STX2: variants seen among roughly 807,000 people sequenced by gnomAD.
STX2 encodes syntaxin-2.
A neutral mutation model predicts 40.6 loss-of-function variants in STX2; 27 were observed. That is an observed-to-expected ratio of 0.66 (90% CI 0.49 to 0.92). The LOEUF (loss-of-function observed/expected upper bound fraction) is 0.92. STX2 is among the 40% of genes least tolerant of loss of function. The pLI, the probability that STX2 is intolerant of heterozygous loss-of-function variation, is 0.00. For synonymous variants in STX2, 123 were observed against 119.1 expected (o/e 1.03, Z -0.22); for missense variants, 328 against 366.1 (o/e 0.90, Z 0.85).
intron 10 of STX2, among the ~76,000 whole-genome samples, chr12:130,793,126 C>G (rs528649640): frequency 6.6e-6 from 1 of 152,138 alleles, no homozygotes; most frequent in South Asian, 2.1e-4. Context: ...CCAAGACTGC[C>G]GGCTCAGTCA....
chr12:130,828,867 CAA>C (rs71451381), intron 1 of STX2, among the ~76,000 whole-genome samples: 5 of 121,568 alleles, frequency 4.1e-5, no homozygotes, highest in Non-Finnish European at 3.3e-5. Flanking sequence ...GACTCTGTCT[CAA>C]AAAAAAAAAA....
chr12:130,791,990 G>T lies in STX2; in HGVS notation c.*46-13C>A. ...TGAACATCAATTTCTGCAAGATAAAGAAAAACATTAATTTGCAATGTATCA... is the reference window on the plus strand; with the variant it reads ...TGAACATCAATTTCTGCAAGATAAATAAAAACATTAATTTGCAATGTATCA... On this transcript the variant is annotated splice_polypyrimidine_tract_variant and intron_variant, in intron 10 of 10. Transcript: ENST00000392373. 6.4e-7 allele frequency: 1 copy of T among 1,561,302 alleles called. No homozygotes were observed. The highest frequency in any genetic ancestry group is 8.8e-7 in the Non-Finnish European group (1 of 1,136,028).
At chr12:130,806,884 T>G (rs538015963) in intron 6 of STX2, 98 bp downstream of exon 6, 2 of 1,145,882 alleles carry the variant, frequency 1.7e-6, no homozygotes, top group Non-Finnish European at 2.5e-6. Flanking sequence ...TTGGTGAAAA[T>G]AGACATGGAT....
intron 8 of STX2, among the ~76,000 whole-genome samples, chr12:130,800,076 T>C (rs939164740): frequency 6.6e-6 from 1 of 152,120 alleles, no homozygotes. Flanking sequence ...TTACTTAGGA[T>C]GGTTTGATAT....
intron 4 of STX2, among the ~76,000 whole-genome samples, chr12:130,811,195 T>TA (rs1951635681): frequency 6.6e-6 from 1 of 151,932 alleles, no homozygotes; most frequent in Non-Finnish European, 1.5e-5. Context: ...CCATCTCTAC[T>TA]AAAAATACAA....
intron 6 of STX2, among the ~76,000 whole-genome samples, chr12:130,806,250 G>A (rs896206776): frequency 4.6e-5 from 7 of 152,188 alleles, no homozygotes; most frequent in African/African-American, 1.2e-4. Flanking sequence ...TCTGACCTGC[G>A]AGCTGACACG....
At chr12:130,830,140 C>T (rs753309231) in intron 1 of STX2, among the ~76,000 whole-genome samples, 1 of 152,188 alleles carries the variant, frequency 6.6e-6, no homozygotes, top group Non-Finnish European at 1.5e-5. Flanking sequence ...GGACACCCAC[C>T]ACTTCCCACT....
In STX2 at chr12:130,816,222, C is replaced by T. The variant is rs567950589; in HGVS notation, c.206-3191G>A. Among the ~76,000 whole-genome samples, 7 of 152,326 alleles carry T rather than the reference C, an allele frequency of 4.6e-5. No individual in the cohort carries two copies. The East Asian group carries it at 9.7e-4, about 21-fold the overall frequency. On this transcript the variant is annotated intron_variant, in intron 3 of 10. Transcript: ENST00000392373. The stretch of plus-strand genomic sequence containing the variant: ...GCTGAGGACGACTAGACTCGGGAGA[C>T]GGTCTTGAGCCACCGCGCAGCCACA...
intron 8 of STX2, among the ~76,000 whole-genome samples, chr12:130,800,808 CAGA>C (rs1951196656): frequency 6.6e-6 from 1 of 152,230 alleles, no homozygotes; most frequent in Non-Finnish European, 1.5e-5. Flanking sequence ...CGGGCATACA[CAGA>C]AGATCTTTGT....
chr12:130,818,215 T>TATATATATATATATATATAA (rs1951960591), intron 3 of STX2, among the ~76,000 whole-genome samples: 1 of 124,896 alleles, frequency 8.0e-6, no homozygotes, highest in Non-Finnish European at 1.6e-5. Flanking sequence ...TATATATATA[T>TATATATATATATATATATAA]ATAAAATTAT....
chr12:130,794,760 C>T (rs1950979134), intron 10 of STX2, among the ~76,000 whole-genome samples: 2 of 152,128 alleles, frequency 1.3e-5, no homozygotes, highest in Admixed American at 1.3e-4. Context: ...CTTAACCATG[C>T]TCGTGATTCC....
intron 2 of STX2, among the ~76,000 whole-genome samples, chr12:130,822,857 G>A (rs1221955119): frequency 5.3e-5 from 8 of 152,164 alleles, no homozygotes; most frequent in Non-Finnish European, 8.8e-5. Flanking sequence ...AAAGCTTAGC[G>A]TTCCAATAAT....
chr12:130,827,085 G>T, intron 2 of STX2, 108 bp downstream of exon 2: 1 of 538,108 alleles, frequency 1.9e-6, no homozygotes. Context: ...GAGGGGTGGG[G>T]AGGGGAGGGG....
rs56987530 is a variant in STX2 at position 130,822,750 on chromosome 12, T to G, written c.106-962A>C. Among the ~76,000 whole-genome samples, 576 of 152,298 alleles carry G rather than the reference T, an allele frequency of 3.8e-3. 6 individuals are homozygous for G. Among genetic ancestry groups the G allele is most frequent in the African/African-American group, 0.013 (556 of 41,568 alleles). ...AATGATCCTGAATTCTCCAGTTTGG[T>G]CCTCATTAACCCATTTATGCCAGAG... On this transcript the variant is annotated intron_variant, in intron 2 of 10. Coordinates refer to ENST00000392373, the MANE Select transcript of STX2 (RefSeq NM_194356.4).
chr12:130,812,817 AATTAC>A, intron 4 of STX2, 135 bp downstream of exon 4: 4 of 631,822 alleles, frequency 6.3e-6, no homozygotes, highest in Non-Finnish European at 1.1e-5. Context: ...TAGTACTCTG[AATTAC>A]ATACAAATAA....
intron 10 of STX2, 71 bp downstream of exon 10, chr12:130,795,924 T>C: frequency 6.7e-7 from 1 of 1,502,400 alleles, no homozygotes; most frequent in African/African-American, 1.4e-5. Context: ...TTATGTCTAT[T>C]ACAATTAAGC....
At chr12:130,801,087 T>A in intron 8 of STX2, 66 bp downstream of exon 8, 1 of 1,526,566 alleles carries the variant, frequency 6.6e-7, no homozygotes, top group Non-Finnish European at 8.9e-7. Flanking sequence ...CTAGACAGAG[T>A]GGGATGCAGT....
Position 130,790,290 on chromosome 12 carries a change from T to C in STX2, c.*1733A>G, listed in dbSNP as rs1950845028. ...ATTGTGTTAAGTAAGGGACGCGGCT[T>C]CTGAGCCATTCAATATTCTCCACAC... On this transcript the variant is annotated 3_prime_UTR_variant, in exon 11 of 11. Coordinates refer to ENST00000392373, the MANE Select transcript of STX2 (RefSeq NM_194356.4). The C allele has an allele frequency of 6.6e-6, 1 of 152,218 alleles. No homozygotes were observed. The highest frequency in any genetic ancestry group is 1.5e-5 in the Non-Finnish European group (1 of 68,046). 9.4% of individuals were successfully genotyped at this position (152,218 alleles called of 1,614,324 possible).
chr12:130,797,450 G>T (rs1951064949), intron 9 of STX2, among the ~76,000 whole-genome samples: 1 of 152,212 alleles, frequency 6.6e-6, no homozygotes, highest in South Asian at 2.1e-4. Context: ...GACATACCCA[G>T]GAAAAGCGGA....
Sources: gnomAD v4.1 joint callset for allele counts (sites outside exome capture counted in the v4.1 genomes callset) on GRCh38, gnomAD v4.1.1 for gene constraint, MANE v1.5 for transcripts, NCBI Gene and HGNC (gene_info 2026-07-23, HGNC 2026-07-21) for gene names.